The following AMMECR1 variants were observed in gnomAD, a reference collection of about 807,000 sequenced individuals.
The protein encoded by AMMECR1 is nuclear protein AMMECR1.
Under a neutral mutation model 22.5 loss-of-function variants are expected in AMMECR1, and 3 were observed. The ratio of observed to expected loss-of-function variants is 0.13; its 90% CI spans 0.06 to 0.35. AMMECR1 has a LOEUF of 0.35. Among genes scored for constraint, AMMECR1 ranks in the 10% least tolerant of loss-of-function variants. The probability of loss-of-function intolerance (pLI) is 1.00; values close to 1 mark genes in which losing one functional copy is unlikely to be tolerated. For synonymous variants in AMMECR1, 130 were observed against 116.7 expected (o/e 1.11, Z -0.74); for missense variants, 235 against 278.7 (o/e 0.84, Z 1.12).
chrX:110,397,804 T>G (rs1417841276), intron 2 of AMMECR1, among the ~76,000 whole-genome samples: 1 of 111,432 alleles, frequency 9.0e-6, no homozygotes, highest in Non-Finnish European at 1.9e-5. Context: ...GTAATGGACT[T>G]GGGGGGGCAA....
chrX:110,342,684 T>C (rs1454046417), intron 2 of AMMECR1, among the ~76,000 whole-genome samples: 1 of 112,225 alleles, frequency 8.9e-6, no homozygotes, highest in South Asian at 3.7e-4. Context: ...ATGCATTTTC[T>C]AGATGATTGA....
intron 1 of AMMECR1, among the ~76,000 whole-genome samples, chrX:110,278,379 C>T (rs1350291080): frequency 9.0e-6 from 1 of 111,496 alleles, no homozygotes; most frequent in Non-Finnish European, 1.9e-5. Flanking sequence ...AAGTAAGTTT[C>T]CACAAAAAAA....
intron 1 of AMMECR1, among the ~76,000 whole-genome samples, chrX:110,315,550 G>A (rs1019955299): frequency 8.9e-6 from 1 of 112,267 alleles, no homozygotes; most frequent in Non-Finnish European, 1.9e-5. Context: ...GTGCAAAGTG[G>A]CTACTGTTAA....
At chrX:110,308,228 G>A (rs2068007687) in intron 1 of AMMECR1, among the ~76,000 whole-genome samples, 1 of 111,447 alleles carries the variant, frequency 9.0e-6, no homozygotes, top group Non-Finnish European at 1.9e-5. Flanking sequence ...CTAAAGGAGG[G>A]ACATCTAAGT....
rs2067377491 is a variant in AMMECR1, at chrX:110,197,707, T to G, written c.*813A>C. On this transcript the variant is annotated 3_prime_UTR_variant, in exon 6 of 6. Transcript: ENST00000262844. ...TATTTGCTGCTCATAAAATGTTTCCTGTAGCCTTTTTGAAAGGTAGTTTGT... is the reference window on the plus strand; with the variant it reads ...TATTTGCTGCTCATAAAATGTTTCCGGTAGCCTTTTTGAAAGGTAGTTTGT... 1 of 112,301 alleles carries G rather than the reference T, an allele frequency of 8.9e-6. No individual in the cohort carries two copies. The highest frequency in any genetic ancestry group is 1.9e-5 in the Non-Finnish European group (1 of 53,190). 9.3% of individuals were successfully genotyped at this position (112,301 alleles called of 1,213,427 possible). A position where few individuals can be genotyped will look rare whatever the true frequency, so the allele number is the denominator to read the frequency against.
At chrX:110,353,663 A>G (rs149338203) in intron 2 of AMMECR1, among the ~76,000 whole-genome samples, 3,052 of 111,715 alleles carry the variant, frequency 0.027, 95 homozygotes, top group African/African-American at 0.093. Flanking sequence ...TTCCATGCCA[A>G]TGTGGTCAGA....
At chrX:110,239,605 T>A (rs1348501141) in intron 2 of AMMECR1, among the ~76,000 whole-genome samples, 3 of 111,783 alleles carry the variant, frequency 2.7e-5, no homozygotes, top group Non-Finnish European at 5.6e-5. Flanking sequence ...ACAGAAAGAA[T>A]GGAACCAAGT....
chrX:110,333,606 A>G lies in AMMECR1; in HGVS notation c.-147-15757T>C, dbSNP rs2068129709. On this transcript the variant is annotated intron_variant, in intron 2 of 7. Transcript: ENST00000372057. ...CATCAATGATAGACTGGATAAAGAA[A>G]ATGTGGCACATATACACCATGGAAT... is the stretch of plus-strand genomic sequence containing the variant. Among the ~76,000 whole-genome samples, 3 of 112,054 alleles carry G rather than the reference A, an allele frequency of 2.7e-5. No individual in the cohort carries two copies. The South Asian group carries it at 1.1e-3, about 42-fold the overall frequency.
intron 2 of AMMECR1, among the ~76,000 whole-genome samples, chrX:110,324,792 T>C (rs2068091934): frequency 9.0e-6 from 1 of 111,021 alleles, no homozygotes; most frequent in South Asian, 3.8e-4. Context: ...ATTAATACTT[T>C]ACATTAATTT....
intron 1 of AMMECR1, among the ~76,000 whole-genome samples, chrX:110,284,254 A>T (rs1186862977): frequency 8.9e-6 from 1 of 112,533 alleles, no homozygotes; most frequent in Non-Finnish European, 1.9e-5. Context: ...GGAAAAAAAG[A>T]GTAAGGCATC....
chrX:110,435,281 G>GT (rs2068830421), intron 1 of AMMECR1, among the ~76,000 whole-genome samples: 1 of 111,626 alleles, frequency 9.0e-6, no homozygotes, highest in Non-Finnish European at 1.9e-5. Context: ...TAGTGTGGGA[G>GT]TATCTTCTAA....
intron 2 of AMMECR1, among the ~76,000 whole-genome samples, chrX:110,253,239 T>A (rs1421669883): frequency 8.9e-6 from 1 of 112,695 alleles, no homozygotes; most frequent in Non-Finnish European, 1.9e-5. Flanking sequence ...ATATGTTTTT[T>A]AAATACTTTG....
chrX:110,411,980 A>C (rs1204886525), intron 2 of AMMECR1, among the ~76,000 whole-genome samples: 1 of 112,903 alleles, frequency 8.9e-6, no homozygotes, highest in Non-Finnish European at 1.9e-5. Flanking sequence ...AAGATAATGA[A>C]CAATTCACTA....
At chrX:110,284,447 A>G (rs1167269648) in intron 1 of AMMECR1, among the ~76,000 whole-genome samples, 1 of 112,105 alleles carries the variant, frequency 8.9e-6, no homozygotes, top group African/African-American at 3.2e-5. Flanking sequence ...GAGAAACCTA[A>G]CATCAGGGTA....
chrX:110,202,817 C>T (rs974031887), intron 3 of AMMECR1, among the ~76,000 whole-genome samples: 4 of 111,256 alleles, frequency 3.6e-5, no homozygotes, highest in Non-Finnish European at 3.8e-5. Flanking sequence ...TAGAATAAGA[C>T]GGTTGATGGC....
chrX:110,300,045 G>A (rs1489917143), intron 1 of AMMECR1, among the ~76,000 whole-genome samples: 1 of 112,351 alleles, frequency 8.9e-6, no homozygotes, highest in Non-Finnish European at 1.9e-5. Flanking sequence ...ATACCCAGAA[G>A]TGAGATTGCT....
intron 2 of AMMECR1, among the ~76,000 whole-genome samples, chrX:110,330,019 AT>A (rs957453273): frequency 3.6e-5 from 4 of 111,785 alleles, no homozygotes; most frequent in African/African-American, 1.3e-4. Flanking sequence ...GTTAGAAAAA[AT>A]AAATCACAAA....
chrX:110,211,833 G>A (rs1178366042), intron 3 of AMMECR1, among the ~76,000 whole-genome samples: 1 of 111,719 alleles, frequency 9.0e-6, no homozygotes, highest in Non-Finnish European at 1.9e-5. Context: ...TTGGAAGGGT[G>A]GGGCCACTGC....
chrX:110,352,064 T>A (rs910981027), intron 2 of AMMECR1, among the ~76,000 whole-genome samples: 2 of 111,856 alleles, frequency 1.8e-5, no homozygotes, highest in African/African-American at 3.3e-5. Flanking sequence ...TAACTTTTTT[T>A]AAAAAGAGAT....
Sources: allele counts gnomAD v4.1 joint callset (sites outside exome capture counted in the v4.1 genomes callset), GRCh38; gene constraint gnomAD v4.1.1; transcripts MANE v1.5; gene names NCBI Gene and HGNC (gene_info 2026-07-23, HGNC 2026-07-21).